Variants in CHL1 observed in about 807,000 individuals in gnomAD.
CHL1 encodes the protein cell adhesion molecule L1 like, also known as neural cell adhesion molecule L1-like protein.
A neutral mutation model predicts 141.9 loss-of-function variants in CHL1; 96 were observed. The observed-to-expected ratio is 0.68, with a 90% CI of 0.57 to 0.80. CHL1 has a LOEUF of 0.80. Ranked by LOEUF, CHL1 falls within the 30% of genes least tolerant of loss-of-function variation. The pLI, the probability that CHL1 is intolerant of heterozygous loss-of-function variation, is 0.00. For synonymous variants in CHL1, 613 were observed against 502.2 expected (o/e 1.22, Z -2.95); for missense variants, 1,820 against 1,457.2 (o/e 1.25, Z -4.05).
intron 2 of CHL1, among the ~76,000 whole-genome samples, chr3:283,167 C>G (rs543233104): frequency 1.3e-5 from 2 of 152,278 alleles, no homozygotes; most frequent in South Asian, 4.1e-4. Flanking sequence ...ATTATGTTTG[C>G]TTTATGCAGT....
chr3:235,684 G>A (rs998594719), intron 1 of CHL1, among the ~76,000 whole-genome samples: 1 of 151,942 alleles, frequency 6.6e-6, no homozygotes, highest in Non-Finnish European at 1.5e-5. Context: ...TTCCAGGGGA[G>A]GCCATCTCTA....
intron 16 of CHL1, among the ~76,000 whole-genome samples, chr3:379,689 T>C (rs565417844): frequency 1.3e-5 from 2 of 152,322 alleles, no homozygotes; most frequent in East Asian, 3.9e-4. Context: ...ATTTTTTTAA[T>C]TCTACATAAA....
chr3:214,588 C>A (rs140014726), intron 1 of CHL1, among the ~76,000 whole-genome samples: 3 of 152,068 alleles, frequency 2.0e-5, no homozygotes, highest in Non-Finnish European at 4.4e-5. Flanking sequence ...ATTTTAATTA[C>A]ATTTATAATT....
At chr3:343,344 C>A (rs1166137220) in intron 8 of CHL1, among the ~76,000 whole-genome samples, 1 of 152,070 alleles carries the variant, frequency 6.6e-6, no homozygotes, top group East Asian at 1.9e-4. Flanking sequence ...AAGGTTGATA[C>A]TTTTGCAGAA....
At chr3:374,413 A>C (rs1443939855) in intron 15 of CHL1, among the ~76,000 whole-genome samples, 1 of 152,086 alleles carries the variant, frequency 6.6e-6, no homozygotes, top group Non-Finnish European at 1.5e-5. Context: ...CTGCCTGACT[A>C]TCCGGGGTCT....
intron 2 of CHL1, among the ~76,000 whole-genome samples, chr3:282,346 C>T (rs1187514576): frequency 6.6e-6 from 1 of 152,216 alleles, no homozygotes; most frequent in East Asian, 1.9e-4. Flanking sequence ...TATTATAATT[C>T]TTGATTTATG....
chr3:235,218 G>T (rs1691849286), intron 1 of CHL1, among the ~76,000 whole-genome samples: 1 of 151,870 alleles, frequency 6.6e-6, no homozygotes, highest in Non-Finnish European at 1.5e-5. Flanking sequence ...ACAAGAGTTT[G>T]CTTTAAAGGT....
intron 27 of CHL1, among the ~76,000 whole-genome samples, chr3:402,322 G>A (rs528750294): frequency 5.7e-4 from 87 of 152,268 alleles, no homozygotes; most frequent in African/African-American, 1.9e-3. Flanking sequence ...AGGGTGTGTC[G>A]GGCAAGGGAG....
chr3:391,244 G>A (rs1708205208), intron 22 of CHL1, 85 bp downstream of exon 22: 3 of 1,094,042 alleles, frequency 2.7e-6, no homozygotes, highest in Non-Finnish European at 2.8e-6. Flanking sequence ...GCCAGGCACA[G>A]TGGCTCATGC....
At chr3:334,081 C>A (rs529435557) in intron 5 of CHL1, among the ~76,000 whole-genome samples, 1 of 152,096 alleles carries the variant, frequency 6.6e-6, no homozygotes, top group Non-Finnish European at 1.5e-5. Context: ...CTAAACCTAC[C>A]CAGTAGCTGG....
intron 2 of CHL1, among the ~76,000 whole-genome samples, chr3:250,209 C>T (rs1414673153): frequency 2.6e-5 from 4 of 152,056 alleles, no homozygotes; most frequent in Non-Finnish European, 4.4e-5. Flanking sequence ...AAGCAATTCT[C>T]CTGCCTCAGC....
At chr3:384,794 C>A (rs977732858) in intron 19 of CHL1, 1 of 151,986 alleles carries the variant, frequency 6.6e-6, no homozygotes, top group Non-Finnish European at 1.5e-5. Context: ...AATTTATTTC[C>A]ACAATTCATT....
intron 20 of CHL1, among the ~76,000 whole-genome samples, chr3:390,181 T>C (rs1708106064): frequency 6.6e-6 from 1 of 152,204 alleles, no homozygotes; most frequent in South Asian, 2.1e-4. Context: ...ATATCACAAG[T>C]GAATTAAGAT....
chr3:403,084 G>C (rs1335663963), intron 27 of CHL1, among the ~76,000 whole-genome samples: 1 of 152,156 alleles, frequency 6.6e-6, no homozygotes, highest in Non-Finnish European at 1.5e-5. Context: ...TCATTCCTAG[G>C]CCATTCGTGT....
At chr3:374,823 C>G (rs58866268) in intron 15 of CHL1, among the ~76,000 whole-genome samples, 7,749 of 152,212 alleles carry the variant, frequency 0.051, 242 homozygotes, top group African/African-American at 0.077. Flanking sequence ...ATATCAGTAA[C>G]CTCATACTTC....
intron 2 of CHL1, among the ~76,000 whole-genome samples, chr3:246,208 A>G (rs982497443): frequency 6.6e-6 from 1 of 152,146 alleles, no homozygotes; most frequent in African/African-American, 2.4e-5. Context: ...ATTTTAAAAA[A>G]GAGATTATCA....
chr3:321,569 T>A (rs1426969240), intron 3 of CHL1, among the ~76,000 whole-genome samples: 1 of 152,088 alleles, frequency 6.6e-6, no homozygotes, highest in African/African-American at 2.4e-5. Context: ...TGATTCAGAT[T>A]TTTGACCATA....
chr3:239,758 C>T (rs999535289), intron 1 of CHL1, among the ~76,000 whole-genome samples: 15 of 151,952 alleles, frequency 9.9e-5, no homozygotes, highest in African/African-American at 3.6e-4. Flanking sequence ...CACCCCACTC[C>T]CACCCTTTCC....
intron 1 of CHL1, chr3:213,295 G>A (rs182772926): frequency 7.9e-5 from 12 of 152,210 alleles, no homozygotes; most frequent in South Asian, 2.1e-4. Flanking sequence ...TCATTTCAGC[G>A]CTGATAGACT....
Sources: gnomAD v4.1 joint callset for allele counts (sites outside exome capture counted in the v4.1 genomes callset) on GRCh38, gnomAD v4.1.1 for gene constraint, MANE v1.5 for transcripts, NCBI Gene and HGNC (gene_info 2026-07-23, HGNC 2026-07-21) for gene names.